Variants in DTD1 observed in about 807,000 individuals in gnomAD.
DTD1 encodes D-aminoacyl-tRNA deacylase 1, also known as D-tyrosyl-tRNA deacylase 1 homolog.
DTD1 carries 13 observed loss-of-function variants against 25.6 expected under a neutral mutation model. The observed-to-expected ratio is 0.51, with a 90% CI of 0.33 to 0.81. The LOEUF (loss-of-function observed/expected upper bound fraction) is 0.81, where lower values mean the gene tolerates loss of function less well. Ranked by LOEUF, DTD1 falls within the 30% of genes least tolerant of loss-of-function variation. The pLI is 0.02. For synonymous variants in DTD1, 110 were observed against 103.6 expected (o/e 1.06, Z -0.37); for missense variants, 193 against 266.4 (o/e 0.72, Z 1.92).
At chr20:18,693,189 G>A (rs56408689) in intron 4 of DTD1, among the ~76,000 whole-genome samples, 47,034 of 152,018 alleles carry the variant, frequency 0.31, 7,891 homozygotes, top group Non-Finnish European at 0.38. Flanking sequence ...CACTGCACCC[G>A]GCCAACAAAA....
chr20:18,724,551 AGTT>A (rs1298320725), intron 4 of DTD1, among the ~76,000 whole-genome samples: 1 of 152,200 alleles, frequency 6.6e-6, no homozygotes, highest in Non-Finnish European at 1.5e-5. Flanking sequence ...AATAACAAAA[AGTT>A]CAAAATTTCA....
intron 4 of DTD1, among the ~76,000 whole-genome samples, chr20:18,641,243 T>C (rs1335735761): frequency 6.6e-6 from 1 of 152,234 alleles, no homozygotes; most frequent in Non-Finnish European, 1.5e-5. Context: ...CATTCGTTTA[T>C]CCATGCACAC....
intron 4 of DTD1, among the ~76,000 whole-genome samples, chr20:18,708,204 TATTTTATATATATAA>T (rs2061135344): frequency 3.5e-5 from 1 of 28,174 alleles, no homozygotes; most frequent in Non-Finnish European, 8.3e-5. Context: ...ATTATATATA[TATTTTATATATATAA>T]TATATATATA....
chr20:18,632,801 A>C (rs1433141506), intron 4 of DTD1: 1 of 405,000 alleles, frequency 2.5e-6, no homozygotes, highest in East Asian at 1.6e-4. Flanking sequence ...ATATGTGTGC[A>C]TGGGTATGTG....
intron 4 of DTD1, among the ~76,000 whole-genome samples, chr20:18,663,522 A>T (rs1006639275): frequency 3.9e-5 from 6 of 152,210 alleles, no homozygotes; most frequent in African/African-American, 1.2e-4. Context: ...GCAGTGGTTC[A>T]TCTATATATC....
intron 1 of DTD1, among the ~76,000 whole-genome samples, chr20:18,590,268 C>T (rs1243471117): frequency 2.0e-5 from 3 of 152,170 alleles, no homozygotes; most frequent in African/African-American, 7.2e-5. Flanking sequence ...ACCTCAAACG[C>T]TTGGGCTCAA....
At chr20:18,632,344 C>G (rs6136446) in intron 4 of DTD1, 1 of 985,278 alleles carries the variant, frequency 1.0e-6, no homozygotes, top group East Asian at 1.1e-4. Flanking sequence ...CCCCAGAAGC[C>G]TCAGACCCTG....
chr20:18,598,795 C>T (rs995516043), intron 3 of DTD1, among the ~76,000 whole-genome samples: 3 of 151,876 alleles, frequency 2.0e-5, no homozygotes, highest in Non-Finnish European at 4.4e-5. Context: ...AGGTGTGAGC[C>T]ACCGCGCCCG....
At chr20:18,692,148 C>T (rs1209502652) in intron 4 of DTD1, 1 of 152,180 alleles carries the variant, frequency 6.6e-6, no homozygotes, top group African/African-American at 2.4e-5. Context: ...CTGTGTTCTC[C>T]TCCATAGTTT....
intron 4 of DTD1, among the ~76,000 whole-genome samples, chr20:18,680,486 C>T (rs917635022): frequency 2.7e-5 from 4 of 149,906 alleles, no homozygotes; most frequent in African/African-American, 4.9e-5. Flanking sequence ...AAGTGATCCT[C>T]GCATCTGGGC....
intron 4 of DTD1, among the ~76,000 whole-genome samples, chr20:18,656,091 C>T (rs2060890743): frequency 6.6e-6 from 1 of 152,038 alleles, no homozygotes; most frequent in Middle Eastern, 3.4e-3. Flanking sequence ...TCTTTTTTTT[C>T]CCTAACACAG....
chr20:18,596,303 A>T, intron 3 of DTD1, 62 bp downstream of exon 3: 1 of 1,396,940 alleles, frequency 7.2e-7, no homozygotes, highest in Non-Finnish European at 9.9e-7. Context: ...GAGAGAAAAA[A>T]GAAGCTGCAA....
At chr20:18,738,942 C>T (rs2061267014) in intron 4 of DTD1, among the ~76,000 whole-genome samples, 1 of 152,256 alleles carries the variant, frequency 6.6e-6, no homozygotes, top group Admixed American at 6.5e-5. Context: ...GGTCCAGATA[C>T]ATGTTTGAAA....
At chr20:18,608,456 C>G (rs962428906) in intron 3 of DTD1, among the ~76,000 whole-genome samples, 4 of 151,842 alleles carry the variant, frequency 2.6e-5, no homozygotes, top group Admixed American at 2.6e-4. Context: ...GCACTCTGCT[C>G]TAATTTTTGT....
chr20:18,677,305 G>C (rs2060980189), intron 4 of DTD1, among the ~76,000 whole-genome samples: 1 of 151,726 alleles, frequency 6.6e-6, no homozygotes, highest in African/African-American at 2.4e-5. Flanking sequence ...CTGGAGCTGT[G>C]ACTGTTCAAC....
At chr20:18,600,236 G>A (rs2060628324) in intron 3 of DTD1, among the ~76,000 whole-genome samples, 1 of 152,150 alleles carries the variant, frequency 6.6e-6, no homozygotes, top group Non-Finnish European at 1.5e-5. Flanking sequence ...TTATAGGTTT[G>A]CATTTTACAT....
At chr20:18,609,445 C>G in intron 3 of DTD1, among the ~76,000 whole-genome samples, 1 of 152,170 alleles carries the variant, frequency 6.6e-6, no homozygotes, top group Non-Finnish European at 1.5e-5. Context: ...AGCCACCAAG[C>G]CCATCCTAAT....
chr20:18,634,698 G>C (rs2060800648), intron 4 of DTD1, among the ~76,000 whole-genome samples: 1 of 152,122 alleles, frequency 6.6e-6, no homozygotes, highest in Non-Finnish European at 1.5e-5. Flanking sequence ...GGCTTTTGTA[G>C]GATCTGAAAG....
chr20:18,655,220 G>C (rs975681560), intron 4 of DTD1, among the ~76,000 whole-genome samples: 2 of 152,166 alleles, frequency 1.3e-5, no homozygotes, highest in African/African-American at 4.8e-5. Flanking sequence ...TTCAGAGAAG[G>C]TTATGAACTC....
Sources: allele counts gnomAD v4.1 joint callset (sites outside exome capture counted in the v4.1 genomes callset), GRCh38; gene constraint gnomAD v4.1.1; transcripts MANE v1.5; gene names NCBI Gene and HGNC (gene_info 2026-07-23, HGNC 2026-07-21).